The following EYS variants were observed in gnomAD, a reference collection of about 807,000 sequenced individuals.
The protein encoded by EYS is EGF-like photoreceptor maintenance factor.
In EYS, 250 loss-of-function variants were observed where a neutral mutation model predicts 282.1. The ratio of observed to expected loss-of-function variants is 0.89; its 90% confidence interval spans 0.80 to 0.98. The LOEUF (loss-of-function observed/expected upper bound fraction) is 0.98, where lower values mean the gene tolerates loss of function less well. EYS is among the 50% of genes least tolerant of loss of function. The pLI is 0.00. For missense variants in EYS, 4,016 were observed against 3,709.0 expected, an observed-to-expected ratio of 1.08 and a Z score of -2.15; for synonymous variants, 1,355 against 1,282.9, an observed-to-expected ratio of 1.06 and a Z score of -1.20.
chr6:64,874,336 C>T (rs1042188941), intron 19 of EYS, among the ~76,000 whole-genome samples: 5 of 151,998 alleles, frequency 3.3e-5, no homozygotes, highest in South Asian at 2.1e-4. Flanking sequence ...TTCATTGTAT[C>T]GAATTCTCTT....
intron 12 of EYS, among the ~76,000 whole-genome samples, chr6:65,063,879 C>T (rs985762412): frequency 6.6e-6 from 1 of 151,728 alleles, no homozygotes; most frequent in Non-Finnish European, 1.5e-5. Context: ...CTCACTGGTA[C>T]TGATAGAAGC....
intron 30 of EYS, among the ~76,000 whole-genome samples, chr6:64,246,846 A>G (rs1024911138): frequency 1.3e-5 from 2 of 152,196 alleles, no homozygotes; most frequent in African/African-American, 2.4e-5. Context: ...TCACAAATTC[A>G]TATTCAAATG....
In EYS at chr6:63,789,113, C is replaced by T; in HGVS notation, c.7523G>A (p.Ser2508Asn). 1 of 1,551,684 alleles carries T rather than the reference C, an allele frequency of 6.4e-7. No individual in the cohort carries two copies. The change falls in exon 38 of 43, where the codon AGC (serine) becomes AAC (asparagine). Residue 2508 changes from serine (S) to asparagine (N), a missense_variant. Ser to Asn is a conservative substitution (Grantham distance 46). Coordinates refer to ENST00000503581, the MANE Select transcript of EYS (RefSeq NM_001142800.2). Reference protein sequence around the residue: ...ASIRSEPLNLSLGVHTVHLGK... With the variant: ...ASIRSEPLNLNLGVHTVHLGK... The stretch of plus-strand genomic sequence containing the variant: ...CAGATGAACAGTGTGGACTCCAAGG[C>T]TCAGATTGAGGGGCTCGCTCCTGAT...
chr6:65,648,312 ATATG>A (rs983690264), intron 1 of EYS, among the ~76,000 whole-genome samples: 5 of 84,290 alleles, frequency 5.9e-5, no homozygotes, highest in African/African-American at 1.5e-4. Context: ...TAAAGAAAAT[ATATG>A]TGTGTGTGTG....
At chr6:63,931,064 T>C (rs1414319854) in intron 35 of EYS, among the ~76,000 whole-genome samples, 1 of 152,218 alleles carries the variant, frequency 6.6e-6, no homozygotes, top group Non-Finnish European at 1.5e-5. Flanking sequence ...AGTCATTCAC[T>C]TGGGACAACA....
Position 64,556,381 on chromosome 6 carries a change from G to A in EYS, c.5644+33842C>T, listed in dbSNP as rs6940539. Among the ~76,000 whole-genome samples, 227 of 152,078 alleles carry A rather than the reference G, an allele frequency of 1.5e-3. 2 individuals are homozygous for A. Among genetic ancestry groups the A allele is most frequent in the African/African-American group, 5.1e-3 (211 of 41,540 alleles). ...GTAAGTGAAGGAAGCTAGACACAGA[G>A]GGTCTGTGGTGTATCGTCCCATGTA... On this transcript the variant is annotated intron_variant, in intron 26 of 42. Transcript: ENST00000503581.
chr6:65,523,233 C>T (rs537007495), intron 2 of EYS, among the ~76,000 whole-genome samples: 2 of 151,960 alleles, frequency 1.3e-5, no homozygotes, highest in East Asian at 1.9e-4. Context: ...CATATACATA[C>T]CTCAAAACAT....
intron 2 of EYS, among the ~76,000 whole-genome samples, chr6:65,588,307 A>G (rs73742015): frequency 0.03 from 4,597 of 152,108 alleles, 170 homozygotes; most frequent in African/African-American, 0.092. Context: ...ATTGTGCCAA[A>G]TACTATTAAT....
intron 37 of EYS, among the ~76,000 whole-genome samples, chr6:63,793,289 T>C (rs1461052209): frequency 1.3e-5 from 2 of 152,198 alleles, no homozygotes. Flanking sequence ...TTCCTCTCAC[T>C]CCTACCTTAC....
chr6:64,354,509 TTTC>T (rs2150405196), intron 29 of EYS, among the ~76,000 whole-genome samples: 1 of 151,734 alleles, frequency 6.6e-6, no homozygotes, highest in Admixed American at 6.6e-5. Context: ...TGTTAAGTGT[TTTC>T]TTTCTGCTTT....
chr6:65,028,908 G>A (rs1249040845), intron 13 of EYS, among the ~76,000 whole-genome samples: 3 of 151,970 alleles, frequency 2.0e-5, no homozygotes, highest in Non-Finnish European at 4.4e-5. Context: ...GAAGAGCTTT[G>A]CCTTTATACC....
chr6:64,883,021 G>T (rs1766970409), intron 19 of EYS, among the ~76,000 whole-genome samples: 1 of 151,478 alleles, frequency 6.6e-6, no homozygotes, highest in Non-Finnish European at 1.5e-5. Flanking sequence ...ATCAGTACTT[G>T]CAATAGGATA....
intron 33 of EYS, among the ~76,000 whole-genome samples, chr6:64,009,587 T>G (rs1221479317): frequency 6.6e-6 from 1 of 152,196 alleles, no homozygotes; most frequent in Non-Finnish European, 1.5e-5. Flanking sequence ...CCCGGCCAGC[T>G]TGGTTCTTTC....
intron 5 of EYS, among the ~76,000 whole-genome samples, chr6:65,451,710 T>C (rs9351498): frequency 0.19 from 28,107 of 148,862 alleles, 3,253 homozygotes; most frequent in Middle Eastern, 0.3. Flanking sequence ...ACTGTTTTTT[T>C]AATTGCTACT....
chr6:64,490,187 C>T (rs1393528610), intron 26 of EYS, among the ~76,000 whole-genome samples: 6 of 150,894 alleles, frequency 4.0e-5, no homozygotes, highest in African/African-American at 1.5e-4. Flanking sequence ...TGTAGGGAAC[C>T]TGGGCCATAT....
At chr6:64,449,255 A>G (rs1775228545) in intron 26 of EYS, among the ~76,000 whole-genome samples, 1 of 152,222 alleles carries the variant, frequency 6.6e-6, no homozygotes, top group South Asian at 2.1e-4. Flanking sequence ...AAAGGGTATC[A>G]GCGATGGAAG....
intron 18 of EYS, among the ~76,000 whole-genome samples, chr6:64,894,251 G>A (rs1767382729): frequency 6.6e-6 from 1 of 152,070 alleles, no homozygotes. Context: ...TGCTGACAGT[G>A]CTGGATGTTG....
chr6:63,862,141 C>T (rs1772550581), intron 36 of EYS, among the ~76,000 whole-genome samples: 1 of 152,118 alleles, frequency 6.6e-6, no homozygotes, highest in Non-Finnish European at 1.5e-5. Context: ...TGATTCTTGT[C>T]TTGGTGACCT....
chr6:64,570,996 C>T (rs1033639199), intron 26 of EYS, among the ~76,000 whole-genome samples: 3 of 152,168 alleles, frequency 2.0e-5, no homozygotes, highest in African/African-American at 7.2e-5. Context: ...ACTCCCACAT[C>T]ACACTTATTC....
Sources: gnomAD v4.1 joint callset for allele counts (sites outside exome capture counted in the v4.1 genomes callset) on GRCh38, gnomAD v4.1.1 for gene constraint, MANE v1.5 for transcripts, NCBI Gene and HGNC (gene_info 2026-07-23, HGNC 2026-07-21) for gene names.